MCPH1: variants seen among roughly 807,000 people sequenced by gnomAD.
MCPH1 encodes the protein microcephalin 1.
In MCPH1, 104 loss-of-function variants were observed where a neutral mutation model predicts 84.5. That is an observed-to-expected ratio of 1.23 (90% confidence interval 1.05 to 1.45). MCPH1 has a LOEUF of 1.45. Ranked by LOEUF, MCPH1 falls within the 40% of genes most tolerant of loss-of-function variation. The pLI, the probability that MCPH1 is intolerant of heterozygous loss-of-function variation, is 0.00. For synonymous variants in MCPH1, 514 were observed against 366.8 expected (o/e 1.40, Z -4.58); for missense variants, 1,498 against 1,005.7 (o/e 1.49, Z -6.62).
intron 3 of MCPH1, among the ~76,000 whole-genome samples, chr8:6,418,440 T>A (rs1799632139): frequency 6.6e-6 from 1 of 152,214 alleles, no homozygotes; most frequent in Non-Finnish European, 1.5e-5. Flanking sequence ...AGCTTATAGT[T>A]CACCTATATT....
intron 3 of MCPH1, among the ~76,000 whole-genome samples, chr8:6,425,938 C>A (rs1800995324): frequency 6.6e-6 from 1 of 152,084 alleles, no homozygotes; most frequent in South Asian, 2.1e-4. Flanking sequence ...TCTCAGCCAC[C>A]CCCCTTTTGC....
chr8:6,441,814 T>A (rs1213866837), intron 6 of MCPH1, among the ~76,000 whole-genome samples: 1 of 152,192 alleles, frequency 6.6e-6, no homozygotes, highest in African/African-American at 2.4e-5. Context: ...GTTTTAGAGG[T>A]AACTATGATG....
intron 9 of MCPH1, among the ~76,000 whole-genome samples, chr8:6,475,663 A>G (rs1008964736): frequency 1.3e-5 from 2 of 152,184 alleles, no homozygotes; most frequent in African/African-American, 4.8e-5. Context: ...AGAATGAATG[A>G]AGTGTCAGGC....
chr8:6,620,772 A>T (rs1207047933), intron 12 of MCPH1, among the ~76,000 whole-genome samples: 1 of 152,164 alleles, frequency 6.6e-6, no homozygotes, highest in East Asian at 1.9e-4. Flanking sequence ...CGGTCCTCTG[A>T]GTCAAACAGA....
intron 12 of MCPH1, among the ~76,000 whole-genome samples, chr8:6,613,240 C>T (rs1408750476): frequency 6.6e-6 from 1 of 152,072 alleles, no homozygotes; most frequent in South Asian, 2.1e-4. Context: ...GCCAGGCAGA[C>T]GGGAATGGCC....
intron 3 of MCPH1, among the ~76,000 whole-genome samples, chr8:6,422,180 C>G (rs1158166290): frequency 1.3e-5 from 2 of 152,150 alleles, no homozygotes; most frequent in East Asian, 3.8e-4. Context: ...GAGCAGCTAC[C>G]TGTCTGTCTT....
chr8:6,536,476 G>C (rs1162924075), intron 12 of MCPH1, among the ~76,000 whole-genome samples: 2 of 152,104 alleles, frequency 1.3e-5, no homozygotes, highest in African/African-American at 4.8e-5. Flanking sequence ...AATGCCTTAA[G>C]AAAACAGACA....
intron 8 of MCPH1, 114 bp downstream of exon 8, chr8:6,445,661 T>C: frequency 6.8e-7 from 1 of 1,460,262 alleles, no homozygotes; most frequent in Non-Finnish European, 9.0e-7. Context: ...TACTCCTCTT[T>C]TTACTTAAAG....
At position 6,505,477 on chromosome 8, in the gene MCPH1, AT is replaced by A. The variant is rs1444055034; in HGVS notation, c.2214+5549del. Reference sequence around the variant, plus strand: ...TAGAATATATATATTCTTTACATATATAGAATATATATATTCTTTATATATG... The same window carrying A: ...TAGAATATATATATTCTTTACATATAAGAATATATATATTCTTTATATATG... On this transcript the variant is annotated intron_variant, in intron 12 of 13. Transcript: ENST00000344683. Among the ~76,000 whole-genome samples, 98 of 73,308 alleles carry A rather than the reference AT, an allele frequency of 1.3e-3. 3 individuals carry two copies. The highest frequency in any genetic ancestry group is 4.8e-3 in the African/African-American group (92 of 19,062). The allele number at this position is 73,308 out of a possible 152,430, so 48.1% of individuals were successfully genotyped here. A position where few individuals can be genotyped will look rare whatever the true frequency, so the allele number is the denominator to read the frequency against.
At chr8:6,537,642 A>T (rs1345333677) in intron 12 of MCPH1, among the ~76,000 whole-genome samples, 1 of 152,000 alleles carries the variant, frequency 6.6e-6, no homozygotes, top group Admixed American at 6.6e-5. Context: ...TGAATGATCA[A>T]ATTTGACAGG....
At chr8:6,550,063 GTTGCCCACCC>G (rs1199145947) in intron 12 of MCPH1, among the ~76,000 whole-genome samples, 1 of 152,170 alleles carries the variant, frequency 6.6e-6, no homozygotes, top group Non-Finnish European at 1.5e-5. Flanking sequence ...CAGCACTGAT[GTTGCCCACCC>G]TTTATTTCTA....
At chr8:6,508,891 T>G (rs1245835978) in intron 12 of MCPH1, 1 of 1,613,700 alleles carries the variant, frequency 6.2e-7, no homozygotes, top group Non-Finnish European at 8.5e-7. Flanking sequence ...ATGAAATCAT[T>G]CCTTGCCAAT....
chr8:6,451,080 G>T (rs1225560105), intron 8 of MCPH1, among the ~76,000 whole-genome samples: 1 of 152,166 alleles, frequency 6.6e-6, no homozygotes, highest in Admixed American at 6.5e-5. Context: ...CAAATAAATA[G>T]ATAGACATAT....
chr8:6,646,835 C>G lies in MCPH1; in HGVS notation c.*3786C>G, dbSNP rs1372982256. ...CTGTTTCCAGTTGAGAACCATTGACCTAATGTAAAAAATAAAATGTACAGA... is the reference window on the plus strand; with the variant it reads ...CTGTTTCCAGTTGAGAACCATTGACGTAATGTAAAAAATAAAATGTACAGA... On this transcript the variant is annotated 3_prime_UTR_variant, in exon 14 of 14. Coordinates refer to ENST00000344683, the MANE Select transcript of MCPH1 (RefSeq NM_024596.5). 1 of 151,966 alleles carries G rather than the reference C, an allele frequency of 6.6e-6. No individual in the cohort carries two copies. Among genetic ancestry groups the G allele is most frequent in the Non-Finnish European group, 1.5e-5 (1 of 68,004 alleles). The allele number at this position is 151,966 out of a possible 1,614,324, so 9.4% of individuals were successfully genotyped here.
rs1179002919 is a variant in MCPH1, at chr8:6,645,956, T to C, written c.*2907T>C. The stretch of plus-strand genomic sequence containing the variant: ...AGATGATAGTCCTCAAATTGACGTA[T>C]AGATTCAATGCAATCCATTAAAATC... On this transcript the variant is annotated 3_prime_UTR_variant, in exon 14 of 14. Coordinates refer to ENST00000344683, the MANE Select transcript of MCPH1 (RefSeq NM_024596.5). The C allele has an allele frequency of 6.6e-6, 1 of 152,250 alleles. No homozygotes were observed. Among genetic ancestry groups the C allele is most frequent in the Non-Finnish European group, 1.5e-5 (1 of 68,046 alleles). 9.4% of individuals were successfully genotyped at this position (152,250 alleles called of 1,614,324 possible). A position where few individuals can be genotyped will look rare whatever the true frequency, so the allele number is the denominator to read the frequency against.
intron 9 of MCPH1, among the ~76,000 whole-genome samples, chr8:6,457,562 G>C (rs1347760835): frequency 6.6e-6 from 1 of 152,054 alleles, no homozygotes. Flanking sequence ...TCGAGATCAT[G>C]CCACTGCACT....
In MCPH1 at chr8:6,633,918, CACAA is replaced by C. The variant is rs141832946; in HGVS notation, c.2453-9072_2453-9069del. 6.3e-3 allele frequency among the ~76,000 whole-genome samples: 956 copies of C among 152,212 alleles called. 9 individuals are homozygous for C. The highest frequency in any genetic ancestry group is 0.022 in the African/African-American group (913 of 41,516). On this transcript the variant is annotated intron_variant, in intron 13 of 13. Coordinates refer to ENST00000344683, the MANE Select transcript of MCPH1 (RefSeq NM_024596.5). ...AGGAATAATTTATGTTTATCAATAG[CACAA>C]ACAGTCAACTTGTTGGAGGAACTGA...
chr8:6,583,760 C>G (rs1197659891), intron 12 of MCPH1, among the ~76,000 whole-genome samples: 4 of 150,648 alleles, frequency 2.7e-5, no homozygotes, highest in African/African-American at 9.8e-5. Flanking sequence ...AAAGACGCCT[C>G]AGCTAACTGG....
intron 12 of MCPH1, among the ~76,000 whole-genome samples, chr8:6,540,828 G>A (rs541446096): frequency 7.9e-5 from 12 of 152,366 alleles, no homozygotes; most frequent in East Asian, 1.9e-4. Context: ...AGGCAGGGGC[G>A]CCGCAGGGTG....
Sources: gnomAD v4.1 joint callset for allele counts (sites outside exome capture counted in the v4.1 genomes callset) on GRCh38, gnomAD v4.1.1 for gene constraint, MANE v1.5 for transcripts, NCBI Gene and HGNC (gene_info 2026-07-23, HGNC 2026-07-21) for gene names.